The following ACACA variants were observed in gnomAD, a reference collection of about 807,000 sequenced individuals.
The protein encoded by ACACA is acetyl-CoA carboxylase 1.
A neutral mutation model predicts 296.1 loss-of-function variants in ACACA; 103 were observed. The ratio of observed to expected loss-of-function variants is 0.35; its 90% CI spans 0.30 to 0.41. ACACA has a LOEUF of 0.41. ACACA is among the 10% of genes least tolerant of loss of function. The pLI is 1.00. For synonymous variants in ACACA, 953 were observed against 1,038.6 expected, an observed-to-expected ratio of 0.92 and a Z score of 1.58; for missense variants, 1,554 against 2,989.7, an observed-to-expected ratio of 0.52 and a Z score of 11.20.
intron 39 of ACACA, among the ~76,000 whole-genome samples, chr17:37,185,614 G>A (rs754117173): frequency 1.3e-5 from 2 of 151,352 alleles, no homozygotes; most frequent in African/African-American, 2.4e-5. Context: ...CATTGCCCAG[G>A]TTAGAGCACA....
intron 39 of ACACA, among the ~76,000 whole-genome samples, chr17:37,182,047 T>A (rs1042950827): frequency 5.3e-5 from 8 of 151,800 alleles, no homozygotes; most frequent in African/African-American, 1.9e-4. Context: ...AACTAACCAG[T>A]CTGAGCAGCC....
chr17:37,205,662 G>A, intron 33 of ACACA, 103 bp downstream of exon 33: 1 of 923,032 alleles, frequency 1.1e-6, no homozygotes, highest in Non-Finnish European at 1.8e-6. Context: ...TGAGAGTTAT[G>A]ATAAAAGACA....
At chr17:37,186,458 A>G (rs2077536064) in intron 39 of ACACA, among the ~76,000 whole-genome samples, 1 of 152,234 alleles carries the variant, frequency 6.6e-6, no homozygotes, top group African/African-American at 2.4e-5. Context: ...AAAACAAATG[A>G]ACGAATAACA....
intron 9 of ACACA, among the ~76,000 whole-genome samples, chr17:37,272,423 TGAAA>T (rs1350747325): frequency 6.6e-6 from 1 of 152,314 alleles, no homozygotes; most frequent in South Asian, 2.1e-4. Flanking sequence ...ACTTAATGAA[TGAAA>T]ATCTTTTATG....
chr17:37,253,323 C>T (rs1214618967), intron 14 of ACACA, among the ~76,000 whole-genome samples: 8 of 152,108 alleles, frequency 5.3e-5, no homozygotes, highest in South Asian at 2.1e-4. Flanking sequence ...ACCCGGGAGG[C>T]GGAGCTTGCA....
chr17:37,155,688 T>C lies in ACACA; in HGVS notation c.5442A>G (p.Glu1814=). 6.2e-7 allele frequency: 1 copy of C among 1,601,544 alleles called. No homozygotes were observed. The highest frequency in any genetic ancestry group is 2.2e-5 in the East Asian group (1 of 44,758). ...TCCAATACATATATACCTACCTGGA[T>C]TCTCCTTCATCTTCCACGTGTTCAC... ...VHCEHVEDEG[E]SRYKITDIIG... is the part of the protein sequence containing the mutation. The change falls in exon 43 of 56, where the codon GAA becomes GAG. Residue 1814 remains glutamate (E), a synonymous_variant. Transcript: ENST00000616317.
At chr17:37,314,025 C>T (rs2046969936) in intron 3 of ACACA, among the ~76,000 whole-genome samples, 1 of 151,122 alleles carries the variant, frequency 6.6e-6, no homozygotes, top group Non-Finnish European at 1.5e-5. Flanking sequence ...ACTCCATACA[C>T]ACAATGGAGT....
Position 37,206,771 on chromosome 17 carries a change from G to T in ACACA, c.3948+12C>A. 6.3e-7 allele frequency: 1 copy of T among 1,585,300 alleles called. No homozygotes were observed. Among genetic ancestry groups the T allele is most frequent in the Non-Finnish European group, 8.7e-7 (1 of 1,154,054 alleles). ...AGGGGAACAAAGCAGTCTCCCAAAA[G>T]GGACATTATACCTTATCCTCATCAT... On this transcript the variant is annotated intron_variant, in intron 32 of 55. Coordinates refer to ENST00000616317, the MANE Select transcript of ACACA (RefSeq NM_198834.3).
intron 48 of ACACA, among the ~76,000 whole-genome samples, chr17:37,124,064 C>T (rs967906025): frequency 6.6e-6 from 1 of 152,220 alleles, no homozygotes; most frequent in African/African-American, 2.4e-5. Context: ...GCCAATAGCA[C>T]ACATATTCCA....
rs971523555 is a variant in ACACA, at chr17:37,149,424, C to A, written c.5679+440G>T. ...TCATGATGTAGGCCTGAAATGGGAA[C>A]CAGCACAGCTGGAATCAGAGACAGC... On this transcript the variant is annotated intron_variant, in intron 45 of 55. Transcript: ENST00000616317. 7.2e-5 allele frequency among the ~76,000 whole-genome samples: 11 copies of A among 152,304 alleles called. 1 individual carries two copies. The highest frequency in any genetic ancestry group is 5.9e-4 in the Admixed American group (9 of 15,294).
intron 33 of ACACA, among the ~76,000 whole-genome samples, chr17:37,204,717 G>C (rs1381209693): frequency 1.3e-5 from 2 of 152,152 alleles, no homozygotes; most frequent in Non-Finnish European, 2.9e-5. Flanking sequence ...TAGGAAAGAG[G>C]AAGTCAAAGA....
chr17:37,291,091 A>G (rs868624294), intron 3 of ACACA, among the ~76,000 whole-genome samples: 3 of 151,002 alleles, frequency 2.0e-5, no homozygotes, highest in Admixed American at 2.0e-4. Context: ...AAAAAAAAAA[A>G]AAAAAAGAAA....
In ACACA at chr17:37,275,983, G is replaced by T; in HGVS notation, c.869C>A (p.Ala290Glu). Reference sequence around the variant, plus strand: ...GCTCCAGGGAAGAGTTGGGATACCTGCAGTTTGAGCCACTATGGAAGATGC... The same window carrying T: ...GCTCCAGGGAAGAGTTGGGATACCTTCAGTTTGAGCCACTATGGAAGATGC... ...KIASSIVAQT[A>E]GIPTLPWSGS... The change falls in exon 8 of 56, where the codon GCA (alanine) becomes GAA (glutamate). Residue 290 changes from alanine (A) to glutamate (E), a missense_variant. By Grantham distance (107) the Ala-to-Glu change is moderately radical. This residue lies in a region of ACACA where 47 missense variants were observed against 55.4 expected (regional missense o/e 0.85). Transcript: ENST00000616317. 1 of 1,614,196 alleles carries T rather than the reference G, an allele frequency of 6.2e-7. No homozygotes were observed. The highest frequency in any genetic ancestry group is 8.5e-7 in the Non-Finnish European group (1 of 1,180,010).
chr17:37,241,170 G>A (rs1434428458), intron 23 of ACACA, among the ~76,000 whole-genome samples: 1 of 151,930 alleles, frequency 6.6e-6, no homozygotes, highest in Non-Finnish European at 1.5e-5. Context: ...ACTACAACCT[G>A]GATGACAGTG....
intron 28 of ACACA, among the ~76,000 whole-genome samples, chr17:37,222,883 G>A (rs960951574): frequency 6.6e-6 from 1 of 152,132 alleles, no homozygotes; most frequent in Admixed American, 6.5e-5. Context: ...GTGCTGTAGC[G>A]GAAACAGAAG....
chr17:37,317,489 C>T (rs2047152195), intron 3 of ACACA, among the ~76,000 whole-genome samples: 1 of 151,564 alleles, frequency 6.6e-6, no homozygotes, highest in Non-Finnish European at 1.5e-5. Flanking sequence ...TCGCTTGAAC[C>T]CGGGAGGCGG....
At chr17:37,222,030 A>G (rs1199222943) in intron 28 of ACACA, 188 bp from the exon 29 acceptor site, 7 of 607,254 alleles carry the variant, frequency 1.2e-5, no homozygotes, top group East Asian at 5.6e-5. Flanking sequence ...TACTATAACC[A>G]TGACTACTAA....
At chr17:37,329,117 AAGG>A (rs1817810710) in intron 3 of ACACA, 4 of 395,934 alleles carry the variant, frequency 1.0e-5, no homozygotes, top group Non-Finnish European at 1.3e-5. Flanking sequence ...TCTAGAGAAA[AAGG>A]AGAGCTCTAT....
intron 55 of ACACA, among the ~76,000 whole-genome samples, chr17:37,087,682 C>T (rs2072305531): frequency 6.6e-6 from 1 of 152,126 alleles, no homozygotes; most frequent in African/African-American, 2.4e-5. Context: ...AAACCCAAAA[C>T]ATGCCAATGG....
Sources: allele counts gnomAD v4.1 joint callset (sites outside exome capture counted in the v4.1 genomes callset), GRCh38; gene constraint gnomAD v4.1.1; regional missense constraint gnomAD v4.1.1; transcripts MANE v1.5; gene names NCBI Gene and HGNC (gene_info 2026-07-23, HGNC 2026-07-21).